FAM107A: variants seen among roughly 807,000 people sequenced by gnomAD.
FAM107A encodes the protein actin-associated protein FAM107A.
A neutral mutation model predicts 13.7 loss-of-function variants in FAM107A; 19 were observed. The observed-to-expected ratio is 1.38, with a 90% CI of 0.97 to 2.03. FAM107A has a LOEUF of 2.03. Ranked by LOEUF, FAM107A falls within the 30% of genes most tolerant of loss-of-function variation. The pLI is 0.00. For synonymous variants in FAM107A, 82 were observed against 74.5 expected, an observed-to-expected ratio of 1.10 and a Z score of -0.52; for missense variants, 203 against 184.4, an observed-to-expected ratio of 1.10 and a Z score of -0.58.
At chr3:58,598,402 G>A (rs189499418) in intron 1 of FAM107A, among the ~76,000 whole-genome samples, 91 of 152,252 alleles carry the variant, frequency 6.0e-4, no homozygotes, top group African/African-American at 2.2e-3. Context: ...GGTCTCCAGG[G>A]CCTTCTCACG....
intron 1 of FAM107A, among the ~76,000 whole-genome samples, chr3:58,611,241 C>T (rs1481742098): frequency 6.9e-6 from 1 of 145,898 alleles, no homozygotes; most frequent in Non-Finnish European, 1.5e-5. Context: ...TGAGAATGAA[C>T]TAATACAAGC....
upstream of FAM107A, among the ~76,000 whole-genome samples, chr3:58,591,650 C>T (rs923486736): frequency 2.0e-5 from 3 of 152,216 alleles, no homozygotes; most frequent in Non-Finnish European, 4.4e-5. The surrounding 1 kb of genome is among the most constrained non-coding windows in gnomAD (Gnocchi z 4.3). Flanking sequence ...TCCTTTAGGT[C>T]TTGGCAGAAA....
chr3:58,622,751 G>C (rs774450700), intron 1 of FAM107A, among the ~76,000 whole-genome samples: 10 of 152,082 alleles, frequency 6.6e-5, no homozygotes, highest in Admixed American at 3.3e-4. Context: ...GGGCCCAGTG[G>C]GGAGGCTGCT....
chr3:58,571,988 T>C (rs1049387699), intron 1 of FAM107A, among the ~76,000 whole-genome samples: 1 of 152,186 alleles, frequency 6.6e-6, no homozygotes, highest in Non-Finnish European at 1.5e-5. Flanking sequence ...GGAAAGGAGA[T>C]GGCAGCCTTA....
chr3:58,600,817 C>A (rs2065747051), intron 1 of FAM107A, among the ~76,000 whole-genome samples: 1 of 152,158 alleles, frequency 6.6e-6, no homozygotes, highest in Admixed American at 6.5e-5. Flanking sequence ...GAGAACAGAG[C>A]TGCCACCAGG....
At chr3:58,618,150 C>G (rs1217507563) in intron 1 of FAM107A, among the ~76,000 whole-genome samples, 1 of 152,186 alleles carries the variant, frequency 6.6e-6, no homozygotes, top group Non-Finnish European at 1.5e-5. Context: ...CTGAGTGAGG[C>G]TCAAGGGGGG....
chr3:58,565,663 C>G lies in FAM107A; in HGVS notation c.*925G>C, dbSNP rs1051083648. 8 of 151,870 alleles carry G rather than the reference C, an allele frequency of 5.3e-5. No homozygotes were observed. The highest frequency in any genetic ancestry group is 1.9e-4 in the African/African-American group (8 of 41,426). 9.4% of individuals were successfully genotyped at this position (151,870 alleles called of 1,614,324 possible). A position where few individuals can be genotyped will look rare whatever the true frequency, so the allele number is the denominator to read the frequency against. ...GGTTGCAGAAGTGGGGTGGGAATCC[C>G]TGGGGCATCAGTCCACAGGAGGTGG... On this transcript the variant is annotated 3_prime_UTR_variant, in exon 4 of 4. Transcript: ENST00000360997.
intron 1 of FAM107A, among the ~76,000 whole-genome samples, chr3:58,599,355 G>T (rs1449968694): frequency 6.6e-6 from 1 of 152,234 alleles, no homozygotes; most frequent in Non-Finnish European, 1.5e-5. Flanking sequence ...GGAAATGCTA[G>T]ACCAGGAAGT....
At chr3:58,611,959 G>GT (rs1196037155) in intron 1 of FAM107A, among the ~76,000 whole-genome samples, 2 of 151,934 alleles carry the variant, frequency 1.3e-5, no homozygotes, top group African/African-American at 4.8e-5. Context: ...ACTGCAGATT[G>GT]TGGTTTTTTT....
rs1009819611 is a variant in FAM107A, at chr3:58,572,191, A to G, written c.-5-2326T>C. Among the ~76,000 whole-genome samples the G allele has an allele frequency of 5.1e-4, 78 of 152,258 alleles. 1 individual carries two copies. The highest frequency in any genetic ancestry group is 1.9e-3 in the African/African-American group (78 of 41,538). On this transcript the variant is annotated intron_variant, in intron 1 of 3. Coordinates refer to ENST00000360997, the MANE Select transcript of FAM107A (RefSeq NM_001076778.3). The stretch of plus-strand genomic sequence containing the variant: ...TAGTCATGCATTCCACACATGTTCG[A>G]GTTCCTGTGATTTTCCTGGCACTGT...
chr3:58,618,688 G>T (rs553561926), intron 1 of FAM107A, among the ~76,000 whole-genome samples: 1 of 152,248 alleles, frequency 6.6e-6, no homozygotes, highest in Non-Finnish European at 1.5e-5. Flanking sequence ...CCCGAGGATG[G>T]GGGGAAGGTG....
At chr3:58,591,856 G>T (rs1180700800), upstream of FAM107A, among the ~76,000 whole-genome samples, 1 of 152,194 alleles carries the variant, frequency 6.6e-6, no homozygotes, top group Non-Finnish European at 1.5e-5. This position sits in a 1 kb window ranked among gnomAD's most constrained non-coding sequence, Gnocchi z 4.3. Context: ...GCTTGGAGTG[G>T]ACATTCAATA....
chr3:58,599,451 A>G (rs893356543), intron 1 of FAM107A, among the ~76,000 whole-genome samples: 3 of 152,182 alleles, frequency 2.0e-5, no homozygotes, highest in East Asian at 3.9e-4. Flanking sequence ...GCCTGAGATT[A>G]TGGGATTGTC....
At chr3:58,582,514 C>T (rs2065559445), upstream of FAM107A, among the ~76,000 whole-genome samples, 4 of 152,354 alleles carry the variant, frequency 2.6e-5, no homozygotes, top group South Asian at 8.3e-4. Flanking sequence ...ACTGTATTGC[C>T]TCCCAGGCAT....
chr3:58,599,938 A>G (rs1416068326), intron 1 of FAM107A, among the ~76,000 whole-genome samples: 1 of 151,622 alleles, frequency 6.6e-6, no homozygotes, highest in African/African-American at 2.4e-5. Flanking sequence ...AGCCTCCCAA[A>G]GTTCTGGGAT....
upstream of FAM107A, among the ~76,000 whole-genome samples, chr3:58,579,140 C>A (rs1439212138): frequency 6.6e-6 from 1 of 152,072 alleles, no homozygotes; most frequent in Admixed American, 6.6e-5. Flanking sequence ...AGCAGAATCA[C>A]AAGGAGTCAG....
At chr3:58,585,914 T>C (rs2065600597) in intron 1 of FAM107A, among the ~76,000 whole-genome samples, 1 of 152,156 alleles carries the variant, frequency 6.6e-6, no homozygotes, top group African/African-American at 2.4e-5. Flanking sequence ...ATTTCCTGAA[T>C]AGAAAAGAAA....
intron 1 of FAM107A, among the ~76,000 whole-genome samples, chr3:58,573,838 G>A (rs371664735): frequency 7.9e-5 from 12 of 152,252 alleles, no homozygotes; most frequent in Admixed American, 3.9e-4. Flanking sequence ...GACACACCAC[G>A]CCCACTTATT....
chr3:58,597,200 G>A (rs931953264), intron 1 of FAM107A, among the ~76,000 whole-genome samples: 2 of 152,216 alleles, frequency 1.3e-5, no homozygotes, highest in Non-Finnish European at 2.9e-5. Context: ...GCTCATTTCT[G>A]TTGGGCAGAT....
Sources: gnomAD v4.1 joint callset for allele counts (sites outside exome capture counted in the v4.1 genomes callset) on GRCh38, gnomAD v4.1.1 for gene constraint, Gnocchi (gnomAD v3.1) non-coding constraint, MANE v1.5 for transcripts, NCBI Gene and HGNC (gene_info 2026-07-23, HGNC 2026-07-21) for gene names.